The following GTF2I variants were observed in gnomAD, a reference collection of about 807,000 sequenced individuals.
GTF2I encodes the protein general transcription factor IIi, also known as general transcription factor II-I.
A neutral mutation model predicts 67.6 loss-of-function variants in GTF2I; 12 were observed. That is an observed-to-expected ratio of 0.18 (90% confidence interval 0.11 to 0.29). GTF2I has a LOEUF of 0.29. GTF2I is among the 10% of genes least tolerant of loss of function. GTF2I has a pLI of 1.00. For missense variants in GTF2I, 271 were observed against 580.1 expected (o/e 0.47, Z 5.47); for synonymous variants, 149 against 197.0 (o/e 0.76, Z 2.04).
Position 74,700,207 on chromosome 7 carries a change from T to C in GTF2I, c.374-40T>C. 3.1e-6 allele frequency: 5 copies of C among 1,594,952 alleles called. 1 individual carries two copies. The highest frequency in any genetic ancestry group is 1.1e-5 in the South Asian group (1 of 90,168). On this transcript the variant is annotated intron_variant, in intron 4 of 34. Transcript: ENST00000573035. ...TAGCGATGATTTCATTTTGTAATCT[T>C]ACCATTGAATGATGTTCATCCGCTT...
At chr7:74,719,307 A>T (rs1554404134) in intron 12 of GTF2I, among the ~76,000 whole-genome samples, 1 of 152,242 alleles carries the variant, frequency 6.6e-6, no homozygotes, top group Non-Finnish European at 1.5e-5. Flanking sequence ...CTAATTAAGT[A>T]AAGTGGAGGA....
At chr7:74,685,014 T>C (rs1289993437) in intron 1 of GTF2I, 4 of 152,280 alleles carry the variant, frequency 2.6e-5, no homozygotes, top group African/African-American at 9.6e-5. Context: ...GGGTTTAATT[T>C]TCTAGAGGTT....
At chr7:74,704,904 T>TG (rs1376200809) in intron 6 of GTF2I, among the ~76,000 whole-genome samples, 1 of 149,332 alleles carries the variant, frequency 6.7e-6, no homozygotes, top group Non-Finnish European at 1.5e-5. Flanking sequence ...ATCATTTATA[T>TG]GTCAGCAGAG....
chr7:74,704,024 T>C (rs78972825), intron 6 of GTF2I, among the ~76,000 whole-genome samples: 5,304 of 152,256 alleles, frequency 0.035, 142 homozygotes, highest in Middle Eastern at 0.095. Flanking sequence ...TTTACCCCTT[T>C]CTTTGCAATC....
chr7:74,659,442 T>G (rs1390067897), intron 1 of GTF2I, among the ~76,000 whole-genome samples: 2 of 151,748 alleles, frequency 1.3e-5, no homozygotes, highest in Non-Finnish European at 2.9e-5. Flanking sequence ...CAGGCTGAAG[T>G]GCACTGGTGT....
chr7:74,727,535 A>G (rs1794004099), intron 12 of GTF2I: 1 of 152,192 alleles, frequency 6.6e-6, no homozygotes, highest in South Asian at 2.1e-4. Flanking sequence ...GTAAAATAAG[A>G]ATAACAATTA....
At chr7:74,667,833 A>C (rs1805114359) in intron 1 of GTF2I, among the ~76,000 whole-genome samples, 1 of 150,716 alleles carries the variant, frequency 6.6e-6, no homozygotes, top group South Asian at 2.1e-4. Context: ...TTACCAAAAG[A>C]AACTTTTTTT....
intron 12 of GTF2I, among the ~76,000 whole-genome samples, chr7:74,723,828 C>T (rs1182901809): frequency 3.4e-5 from 5 of 149,132 alleles, no homozygotes; most frequent in Admixed American, 6.7e-5. Context: ...TTCTAGGAAA[C>T]GTGGTGACTA....
intron 4 of GTF2I, chr7:74,699,930 C>T: frequency 4.3e-6 from 1 of 234,198 alleles, no homozygotes; most frequent in Non-Finnish European, 8.4e-6. Context: ...TATTCTGAGG[C>T]CAAATTGTAC....
At chr7:74,713,846 C>T (rs1371977550) in intron 9 of GTF2I, among the ~76,000 whole-genome samples, 1 of 152,158 alleles carries the variant, frequency 6.6e-6, no homozygotes, top group African/African-American at 2.4e-5. Context: ...GACTAGGAAG[C>T]AGTGGATCTA....
intron 1 of GTF2I, among the ~76,000 whole-genome samples, chr7:74,676,982 C>T (rs890650288): frequency 6.6e-6 from 1 of 152,012 alleles, no homozygotes; most frequent in African/African-American, 2.4e-5. Context: ...TTGCTTGAAC[C>T]CAAGAGGTGG....
At chr7:74,694,324 C>T (rs1383366871) in intron 3 of GTF2I, among the ~76,000 whole-genome samples, 2 of 152,096 alleles carry the variant, frequency 1.3e-5, no homozygotes, top group African/African-American at 4.8e-5. Context: ...CGGTGGCTCA[C>T]GCCTGTAATC....
At chr7:74,737,201 T>C (rs1348690028) in intron 18 of GTF2I, among the ~76,000 whole-genome samples, 2 of 136,320 alleles carry the variant, frequency 1.5e-5, no homozygotes, top group African/African-American at 5.7e-5. Context: ...TCAAAATAAT[T>C]AAAAAAAAAA....
intron 6 of GTF2I, among the ~76,000 whole-genome samples, chr7:74,701,165 G>A (rs114318287): frequency 7.4e-4 from 113 of 152,286 alleles, no homozygotes; most frequent in African/African-American, 2.6e-3. Flanking sequence ...CAGGAAGGGC[G>A]TTTGAAGAAT....
chr7:74,727,154 T>A (rs1793942851), intron 12 of GTF2I: 1 of 152,216 alleles, frequency 6.6e-6, no homozygotes, highest in East Asian at 1.9e-4. Context: ...ATTTGTCTGA[T>A]GTTGGTGACC....
intron 3 of GTF2I, among the ~76,000 whole-genome samples, chr7:74,697,534 T>C (rs910942606): frequency 1.3e-4 from 20 of 152,356 alleles, no homozygotes; most frequent in African/African-American, 4.6e-4. Context: ...CTATTTGTTA[T>C]CGTGCTAGAC....
At chr7:74,683,855 C>A (rs915471885) in intron 1 of GTF2I, among the ~76,000 whole-genome samples, 1 of 151,766 alleles carries the variant, frequency 6.6e-6, no homozygotes, top group Non-Finnish European at 1.5e-5. Context: ...TCCTTCCCCC[C>A]ACCAAAGAAA....
At chr7:74,716,179 G>A (rs1280053033) in intron 10 of GTF2I, among the ~76,000 whole-genome samples, 2 of 151,974 alleles carry the variant, frequency 1.3e-5, no homozygotes, top group East Asian at 1.9e-4. Context: ...TTAATCCTAA[G>A]TGGCTCTCTG....
chr7:74,720,754 T>TG (rs1792862714), intron 12 of GTF2I, among the ~76,000 whole-genome samples: 1 of 150,504 alleles, frequency 6.6e-6, no homozygotes, highest in Non-Finnish European at 1.5e-5. Context: ...TTTTTTTTTT[T>TG]TTTTTTGAGA....
Sources: allele counts gnomAD v4.1 joint callset (sites outside exome capture counted in the v4.1 genomes callset), GRCh38; gene constraint gnomAD v4.1.1; transcripts MANE v1.5; gene names NCBI Gene and HGNC (gene_info 2026-07-23, HGNC 2026-07-21).